The following VPS41 variants were observed in gnomAD, a reference collection of about 807,000 sequenced individuals.
VPS41 encodes vacuolar protein sorting-associated protein 41 homolog.
Under a neutral mutation model 130.9 loss-of-function variants are expected in VPS41, and 85 were observed. That is an observed-to-expected ratio of 0.65 (90% CI 0.55 to 0.78). VPS41 has a LOEUF of 0.78. VPS41 is among the 30% of genes least tolerant of loss of function. VPS41 has a pLI of 0.00. For synonymous variants in VPS41, 335 were observed against 332.9 expected (o/e 1.01, Z -0.07); for missense variants, 874 against 1,018.7 (o/e 0.86, Z 1.93).
chr7:38,794,376 T>C (rs77489158), intron 9 of VPS41, among the ~76,000 whole-genome samples: 4,602 of 152,262 alleles, frequency 0.03, 126 homozygotes, highest in African/African-American at 0.074. Context: ...TGGGAGGGCC[T>C]GAAGTGTAAC....
intron 7 of VPS41, among the ~76,000 whole-genome samples, chr7:38,804,537 A>C (rs1353956518): frequency 6.6e-6 from 1 of 152,258 alleles, no homozygotes; most frequent in Non-Finnish European, 1.5e-5. Flanking sequence ...AATTTAAAAA[A>C]CACTGTATCA....
At chr7:38,737,917 G>A (rs917398354) in intron 25 of VPS41, among the ~76,000 whole-genome samples, 1 of 152,174 alleles carries the variant, frequency 6.6e-6, no homozygotes, top group Non-Finnish European at 1.5e-5. Flanking sequence ...TGTACCCAAT[G>A]CCTTAGATCC....
chr7:38,755,193 A>G (rs1439132935), intron 19 of VPS41, among the ~76,000 whole-genome samples: 1 of 150,728 alleles, frequency 6.6e-6, no homozygotes, highest in Non-Finnish European at 1.5e-5. Flanking sequence ...CCAAATACAA[A>G]ACATCTTGAC....
At chr7:38,803,794 G>T (rs1039324697) in intron 7 of VPS41, among the ~76,000 whole-genome samples, 1 of 152,182 alleles carries the variant, frequency 6.6e-6, no homozygotes, top group African/African-American at 2.4e-5. Context: ...AGGCAGGAAT[G>T]AATGACCAGG....
intron 13 of VPS41, 21 bp from the exon 14 acceptor site, chr7:38,771,275 T>G: frequency 6.7e-7 from 1 of 1,493,216 alleles, no homozygotes; most frequent in Admixed American, 2.3e-5. Context: ...AACATAAGGA[T>G]GATTTAAAAA....
At chr7:38,816,295 C>T (rs942906208) in intron 7 of VPS41, among the ~76,000 whole-genome samples, 21 of 152,078 alleles carry the variant, frequency 1.4e-4, no homozygotes, top group African/African-American at 3.9e-4. Flanking sequence ...TCAGAACTGG[C>T]GTGATCTTGG....
At chr7:38,838,286 T>C (rs1584420884) in intron 4 of VPS41, among the ~76,000 whole-genome samples, 1 of 151,748 alleles carries the variant, frequency 6.6e-6, no homozygotes, top group South Asian at 2.1e-4. Flanking sequence ...TTCCCAAACA[T>C]AGAGGGAAAC....
At chr7:38,906,938 G>C (rs776375527) in intron 1 of VPS41, among the ~76,000 whole-genome samples, 31 of 149,984 alleles carry the variant, frequency 2.1e-4, no homozygotes, top group Non-Finnish European at 3.7e-4. Flanking sequence ...ATTTCAATTT[G>C]TTTATCAGTA....
intron 10 of VPS41, 147 bp from the exon 11 acceptor site, chr7:38,776,923 A>G: frequency 2.0e-6 from 1 of 509,422 alleles, no homozygotes; most frequent in Non-Finnish European, 3.6e-6. Flanking sequence ...TTCATAACTC[A>G]GCACTGCAAG....
intron 4 of VPS41, among the ~76,000 whole-genome samples, chr7:38,835,863 A>G (rs1406274458): frequency 6.6e-6 from 1 of 151,782 alleles, no homozygotes; most frequent in African/African-American, 2.4e-5. Context: ...CAAAGGGTAC[A>G]ATGATTATAC....
chr7:38,767,317 A>G (rs1784065522), intron 15 of VPS41, among the ~76,000 whole-genome samples: 1 of 152,184 alleles, frequency 6.6e-6, no homozygotes, highest in East Asian at 1.9e-4. Flanking sequence ...CTCCTTCGGT[A>G]AAAATGAAAT....
rs376616603 is a variant in VPS41, at chr7:38,726,982, G to C, written c.2411C>G (p.Ala804Gly). ...CLSPILPSDAAKPFSVVVFHC... is the reference protein window; with the variant it reads ...CLSPILPSDAGKPFSVVVFHC... ...GAAGACCACCACGCTGAAGGGCTTA[G>C]CTGCATCTGGCGAGGAGGGCAGAGA... is the stretch of plus-strand genomic sequence containing the variant. The change falls in exon 28 of 29, where the codon GCT becomes GGT. Residue 804 changes from alanine to glycine, a missense_variant. Physicochemically the swap from Ala to Gly is moderately conservative, Grantham distance 60 (BLOSUM62 0). Transcript: ENST00000310301. 83 of 1,566,574 alleles carry C rather than the reference G, an allele frequency of 5.3e-5. No individual in the cohort carries two copies. Among genetic ancestry groups the C allele is most frequent in the East Asian group, 5.1e-4 (21 of 41,254 alleles).
chr7:38,814,541 T>G (rs1393038508), intron 7 of VPS41, among the ~76,000 whole-genome samples: 1 of 151,986 alleles, frequency 6.6e-6, no homozygotes, highest in African/African-American at 2.4e-5. Flanking sequence ...TCCCAGCTAC[T>G]CGGGAGGCTG....
chr7:38,905,340 C>T (rs1787237057), intron 1 of VPS41, among the ~76,000 whole-genome samples: 1 of 152,108 alleles, frequency 6.6e-6, no homozygotes, highest in Non-Finnish European at 1.5e-5. Context: ...AACTATAAAT[C>T]GTTTTGGAGC....
intron 4 of VPS41, among the ~76,000 whole-genome samples, chr7:38,838,574 A>G (rs1785542856): frequency 6.6e-6 from 1 of 152,222 alleles, no homozygotes; most frequent in Non-Finnish European, 1.5e-5. Context: ...TCAAAAATCA[A>G]TAATGTCAAG....
chr7:38,865,405 T>G (rs761513064), intron 3 of VPS41, among the ~76,000 whole-genome samples: 4 of 151,178 alleles, frequency 2.6e-5, no homozygotes, highest in African/African-American at 7.4e-5. Flanking sequence ...TCCATTTCAT[T>G]CATTCACTGG....
At chr7:38,782,037 T>C (rs1027774411) in intron 10 of VPS41, among the ~76,000 whole-genome samples, 3 of 152,248 alleles carry the variant, frequency 2.0e-5, no homozygotes, top group African/African-American at 7.2e-5. Flanking sequence ...CCATTTGATA[T>C]GAAAAATATG....
chr7:38,778,688 A>G (rs1562583494), intron 10 of VPS41, among the ~76,000 whole-genome samples: 1 of 152,190 alleles, frequency 6.6e-6, no homozygotes, highest in Non-Finnish European at 1.5e-5. Context: ...AGAGATTCTC[A>G]CAGAAATCAC....
intron 7 of VPS41, among the ~76,000 whole-genome samples, chr7:38,813,918 T>A (rs1215732863): frequency 6.6e-6 from 1 of 152,210 alleles, no homozygotes. Flanking sequence ...AAACTGAACA[T>A]AGAACAGCTT....
Sources: gnomAD v4.1 joint callset for allele counts (sites outside exome capture counted in the v4.1 genomes callset) on GRCh38, gnomAD v4.1.1 for gene constraint, MANE v1.5 for transcripts, NCBI Gene and HGNC (gene_info 2026-07-23, HGNC 2026-07-21) for gene names.